GARNL3: variants seen among roughly 807,000 people sequenced by gnomAD.
The protein encoded by GARNL3 is GTPase-activating Rap/Ran-GAP domain-like protein 3.
Under a neutral mutation model 125.0 loss-of-function variants are expected in GARNL3, and 63 were observed. That is an observed-to-expected ratio of 0.50 (90% CI 0.41 to 0.62). The LOEUF (loss-of-function observed/expected upper bound fraction) is 0.62. Ranked by LOEUF, GARNL3 falls within the 20% of genes least tolerant of loss-of-function variation. The probability of loss-of-function intolerance (pLI) is 0.00; values close to 1 mark genes in which losing one functional copy is unlikely to be tolerated. For synonymous variants in GARNL3, 439 were observed against 457.5 expected (o/e 0.96, Z 0.52); for missense variants, 994 against 1,244.0 (o/e 0.80, Z 3.02).
At chr9:127,350,142 G>A (rs535544301) in intron 17 of GARNL3, among the ~76,000 whole-genome samples, 3 of 152,150 alleles carry the variant, frequency 2.0e-5, no homozygotes, top group African/African-American at 2.4e-5. Flanking sequence ...TATCTATAAC[G>A]AACTTAAGGC....
At chr9:127,276,567 C>T (rs1010814596) in intron 1 of GARNL3, among the ~76,000 whole-genome samples, 3 of 152,192 alleles carry the variant, frequency 2.0e-5, no homozygotes, top group South Asian at 2.1e-4. Flanking sequence ...TGTGCATGGG[C>T]GCATTTGCCT....
upstream of GARNL3, chr9:127,263,568 T>G: frequency 4.2e-6 from 2 of 472,410 alleles, no homozygotes; most frequent in Non-Finnish European, 5.5e-6. Context: ...GCTAAGAAAA[T>G]AGGCGTAGAG....
chr9:127,308,206 G>T (rs1588821585), intron 2 of GARNL3, among the ~76,000 whole-genome samples: 2 of 152,172 alleles, frequency 1.3e-5, no homozygotes, highest in African/African-American at 2.4e-5. Context: ...GAACAGATGG[G>T]TATTTTGAAA....
intron 2 of GARNL3, among the ~76,000 whole-genome samples, chr9:127,304,531 T>G (rs2064892896): frequency 1.2e-3 from 2 of 1,628 alleles, no homozygotes; most frequent in Non-Finnish European, 2.5e-3. Context: ...GGCTTTATTC[T>G]TTTTTTTTTT....
chr9:127,264,446 G>A (rs941462102), upstream of GARNL3: 8 of 896,374 alleles, frequency 8.9e-6, no homozygotes, highest in African/African-American at 1.3e-4. Context: ...GGGACAGAGG[G>A]TGGAGCCTAC....
intron 2 of GARNL3, among the ~76,000 whole-genome samples, chr9:127,250,789 A>T (rs2063388486): frequency 6.6e-6 from 1 of 152,174 alleles, no homozygotes; most frequent in Non-Finnish European, 1.5e-5. Context: ...CTGCAAGCAC[A>T]GAACAGAACT....
intron 1 of GARNL3, among the ~76,000 whole-genome samples, chr9:127,231,184 A>C (rs1285695662): frequency 7.0e-6 from 1 of 142,886 alleles, no homozygotes; most frequent in Non-Finnish European, 1.5e-5. Context: ...CTTCCCTAGT[A>C]GCTGGGACTA....
At chr9:127,348,144 C>T (rs760716007) in intron 16 of GARNL3, among the ~76,000 whole-genome samples, 1 of 152,094 alleles carries the variant, frequency 6.6e-6, no homozygotes, top group Non-Finnish European at 1.5e-5. Context: ...TCAACTTGGG[C>T]CTGAGAATCT....
chr9:127,383,570 C>T (rs1832385201), intron 23 of GARNL3, 25 bp downstream of exon 23: 4 of 1,460,196 alleles, frequency 2.7e-6, no homozygotes, highest in Middle Eastern at 1.8e-4. Flanking sequence ...TATCATAATG[C>T]TTTTCTCCTT....
At chr9:127,332,729 T>C (rs763264043) in intron 8 of GARNL3, among the ~76,000 whole-genome samples, 30 of 152,212 alleles carry the variant, frequency 2.0e-4, no homozygotes, top group Non-Finnish European at 1.6e-4. Flanking sequence ...TACCTGCTTA[T>C]TCTGAACGCA....
At chr9:127,354,461 A>G (rs1234324589) in intron 19 of GARNL3, 51 bp downstream of exon 19, 1 of 1,060,958 alleles carries the variant, frequency 9.4e-7, no homozygotes, top group African/African-American at 1.6e-5. Flanking sequence ...TTTTTTCCTC[A>G]GGCTGCCCAG....
At chr9:127,390,132 C>T (rs936247975) in intron 26 of GARNL3, among the ~76,000 whole-genome samples, 1 of 152,086 alleles carries the variant, frequency 6.6e-6, no homozygotes, top group African/African-American at 2.4e-5. Flanking sequence ...CTGGGCACAC[C>T]CCTGCCCTGC....
At position 127,392,483 on chromosome 9, in the gene GARNL3, A is replaced by G. The variant is rs528232922; in HGVS notation, c.2871-600A>G. ...GCCCCGAAGCAGGCCTAGCATGGCC[A>G]GTTAAAAGGCAGGAGGAAGAGTGGA... On this transcript the variant is annotated intron_variant, in intron 27 of 27. Coordinates refer to ENST00000373387, the MANE Select transcript of GARNL3 (RefSeq NM_032293.5). This position sits in a 1 kb window ranked among gnomAD's most constrained non-coding sequence, Gnocchi z 5.2. Among the ~76,000 whole-genome samples the G allele has an allele frequency of 1.3e-5, 2 of 152,374 alleles. No homozygotes were observed. The highest frequency in any genetic ancestry group is 4.1e-4 in the South Asian group (2 of 4,832).
At chr9:127,369,109 G>T (rs564761672) in intron 22 of GARNL3, 6 of 138,984 alleles carry the variant, frequency 4.3e-5, no homozygotes, top group African/African-American at 1.6e-4. Flanking sequence ...TTATTAAATG[G>T]TGTTCAGTTA....
chr9:127,326,582 A>C (rs1004220038), intron 7 of GARNL3, among the ~76,000 whole-genome samples: 5 of 152,204 alleles, frequency 3.3e-5, no homozygotes, highest in African/African-American at 1.2e-4. Flanking sequence ...CTACTAATAT[A>C]TAATACACCT....
chr9:127,312,266 A>C (rs1188520968), intron 3 of GARNL3, among the ~76,000 whole-genome samples: 1 of 152,136 alleles, frequency 6.6e-6, no homozygotes, highest in Admixed American at 6.6e-5. Context: ...GGGCAAAGAC[A>C]CTCATGATAT....
intron 1 of GARNL3, among the ~76,000 whole-genome samples, chr9:127,231,236 T>G (rs945078487): frequency 6.5e-5 from 9 of 139,430 alleles, no homozygotes; most frequent in Admixed American, 1.4e-4. Context: ...TTGTTTTTTT[T>G]TTTTTTTTTG....
intron 4 of GARNL3, among the ~76,000 whole-genome samples, chr9:127,316,870 G>A (rs1431542530): frequency 6.6e-6 from 1 of 152,184 alleles, no homozygotes; most frequent in Non-Finnish European, 1.5e-5. Flanking sequence ...TTCAGAGCTT[G>A]GACAGATGAA....
chr9:127,327,908 G>A (rs533003416), intron 7 of GARNL3, among the ~76,000 whole-genome samples: 14 of 152,170 alleles, frequency 9.2e-5, no homozygotes, highest in Non-Finnish European at 1.8e-4. Context: ...TGTTTGTTAC[G>A]TTTTATATAA....
Sources: allele counts gnomAD v4.1 joint callset (sites outside exome capture counted in the v4.1 genomes callset), GRCh38; gene constraint gnomAD v4.1.1; non-coding constraint Gnocchi (gnomAD v3.1); transcripts MANE v1.5; gene names NCBI Gene and HGNC (gene_info 2026-07-23, HGNC 2026-07-21).